Variants in KLF8 observed in about 807,000 individuals in gnomAD.
The protein encoded by KLF8 is Krueppel-like factor 8.
In KLF8, 10 loss-of-function variants were observed where a neutral mutation model predicts 18.2. The ratio of observed to expected loss-of-function variants is 0.55; its 90% CI spans 0.34 to 0.93. The LOEUF is 0.93. Ranked by LOEUF, KLF8 falls within the 40% of genes least tolerant of loss-of-function variation. The pLI is 0.02. For synonymous variants in KLF8, 109 were observed against 97.3 expected, an observed-to-expected ratio of 1.12 and a Z score of -0.71; for missense variants, 264 against 277.9, an observed-to-expected ratio of 0.95 and a Z score of 0.36.
the KLF8 span, among the ~76,000 whole-genome samples, chrX:55,984,324 A>G: frequency 4.2e-4 from 47 of 110,630 alleles, no homozygotes; most frequent in African/African-American, 1.5e-3. Context: ...TGTTCTCATC[A>G]TTCAGCTCCC....
At chrX:56,094,213 G>A in the KLF8 span, among the ~76,000 whole-genome samples, 1 of 110,067 alleles carries the variant, frequency 9.1e-6, no homozygotes, top group African/African-American at 3.3e-5. Context: ...TGCTATTTAC[G>A]AAAAACAGAC....
chrX:56,268,053 T>G (rs2066994153), intron 3 of KLF8: 1 of 111,273 alleles, frequency 9.0e-6, no homozygotes, highest in South Asian at 3.8e-4. Flanking sequence ...TCATGCACTA[T>G]TTGTCCTTCT....
At chrX:56,155,272 G>T in the KLF8 span, among the ~76,000 whole-genome samples, 1 of 111,641 alleles carries the variant, frequency 9.0e-6, no homozygotes, top group African/African-American at 3.3e-5. Flanking sequence ...ATACTATTCA[G>T]CCATAAAAAA....
At chrX:56,000,411 G>A in the KLF8 span, among the ~76,000 whole-genome samples, 5 of 93,229 alleles carry the variant, frequency 5.4e-5, no homozygotes, top group African/African-American at 2.0e-4. Flanking sequence ...AGTAGAATTG[G>A]CACCAGTTCT....
chrX:56,012,082 A>T, the KLF8 span, among the ~76,000 whole-genome samples: 1 of 111,863 alleles, frequency 8.9e-6, no homozygotes, highest in Non-Finnish European at 1.9e-5. Flanking sequence ...AAAAGGAGTG[A>T]CCCCTCCCTA....
chrX:56,265,547 G>C lies in KLF8; in HGVS notation c.449G>C (p.Ser150Thr), dbSNP rs755032067. 8.3e-7 allele frequency: 1 copy of C among 1,211,358 alleles called. No individual in the cohort carries two copies. Among genetic ancestry groups the C allele is most frequent in the Non-Finnish European group, 1.1e-6 (1 of 895,052 alleles). Residue 150 changes from serine to threonine, a missense_variant, in exon 3 of 6, where the codon AGC becomes ACC. By Grantham distance (58) the Ser-to-Thr change is moderately conservative (BLOSUM62 1). Transcript: ENST00000468660. Reference protein sequence around the residue: ...TPGSVLTSSQSTGSQQILHVI... With the variant: ...TPGSVLTSSQTTGSQQILHVI... ...GGCTCTGTCCTGACCTCCTCTCAGAGCACTGGTAGCCAGCAGATCTTACAT... is the reference window on the plus strand; with the variant it reads ...GGCTCTGTCCTGACCTCCTCTCAGACCACTGGTAGCCAGCAGATCTTACAT...
At chrX:56,171,505 T>C in the KLF8 span, among the ~76,000 whole-genome samples, 52 of 111,176 alleles carry the variant, frequency 4.7e-4, no homozygotes, top group Non-Finnish European at 8.7e-4. Flanking sequence ...GTATTTCTCC[T>C]AATGTTATCC....
the KLF8 span, among the ~76,000 whole-genome samples, chrX:55,999,152 G>C: frequency 3.7e-5 from 4 of 107,844 alleles, no homozygotes; most frequent in East Asian, 1.2e-3. Context: ...GTTATTTGTG[G>C]GTATTTTGCT....
the KLF8 span, among the ~76,000 whole-genome samples, chrX:55,955,643 C>T: frequency 1.8e-5 from 2 of 111,043 alleles, no homozygotes; most frequent in South Asian, 3.8e-4. Flanking sequence ...TAATTAAGCT[C>T]GAGTACTGAT....
At chrX:55,983,310 C>T in the KLF8 span, among the ~76,000 whole-genome samples, 30 of 111,062 alleles carry the variant, frequency 2.7e-4, no homozygotes, top group African/African-American at 9.8e-4. Flanking sequence ...GTTTTCTGTA[C>T]TGAATTATAC....
At chrX:55,976,105 G>A in the KLF8 span, among the ~76,000 whole-genome samples, 2 of 111,218 alleles carry the variant, frequency 1.8e-5, no homozygotes, top group East Asian at 2.8e-4. Flanking sequence ...GTGAAACTCC[G>A]ACTCAAAAAA....
rs191445324 is a variant in KLF8, at chrX:56,286,566, T to A, written c.*2072T>A. On this transcript the variant is annotated 3_prime_UTR_variant, in exon 6 of 6. Transcript: ENST00000468660. ...AACTCAAAAATCATTTACAGCTGATTAAATAGCAAGTAAAATGTACTTGTG... is the reference window on the plus strand; with the variant it reads ...AACTCAAAAATCATTTACAGCTGATAAAATAGCAAGTAAAATGTACTTGTG... 2.7e-5 allele frequency: 3 copies of A among 112,708 alleles called. No homozygotes were observed. Among genetic ancestry groups the A allele is most frequent in the Admixed American group, 9.4e-5 (1 of 10,668 alleles). 9.3% of individuals were successfully genotyped at this position (112,708 alleles called of 1,213,427 possible). A position where few individuals can be genotyped will look rare whatever the true frequency, so the allele number is the denominator to read the frequency against.
At chrX:55,924,849 C>CTTTTTTTTTTTTTTTTTTT in the KLF8 span, among the ~76,000 whole-genome samples, 2 of 42,937 alleles carry the variant, frequency 4.7e-5, no homozygotes, top group Admixed American at 4.1e-4. Context: ...TTGTTTTTTG[C>CTTTTTTTTTTTTTTTTTTT]TTTTTTTTTT....
chrX:55,969,244 A>G, the KLF8 span, among the ~76,000 whole-genome samples: 119 of 112,262 alleles, frequency 1.1e-3, no homozygotes, highest in Non-Finnish European at 2.1e-3. Context: ...TTGAGATAAT[A>G]TCAAGAATCT....
the KLF8 span, among the ~76,000 whole-genome samples, chrX:56,185,526 C>T: frequency 1.8e-5 from 2 of 111,081 alleles, no homozygotes; most frequent in Admixed American, 1.9e-4. Context: ...ACAGAGAACA[C>T]CACAAAGATA....
the KLF8 span, among the ~76,000 whole-genome samples, chrX:56,180,141 G>A: frequency 1.2e-4 from 13 of 111,253 alleles, no homozygotes; most frequent in Non-Finnish European, 5.7e-5. Context: ...TTGGTTGGTA[G>A]GCTATTAATT....
At chrX:56,138,665 C>T in the KLF8 span, among the ~76,000 whole-genome samples, 11 of 110,660 alleles carry the variant, frequency 9.9e-5, no homozygotes, top group African/African-American at 3.6e-4. Context: ...AGGAAGATAC[C>T]TCAAAAAAAT....
the KLF8 span, among the ~76,000 whole-genome samples, chrX:56,063,245 C>A: frequency 1.8e-5 from 2 of 109,753 alleles, no homozygotes; most frequent in African/African-American, 6.6e-5. Flanking sequence ...GAGAAGAGGC[C>A]TTTTGGTTTT....
the KLF8 span, among the ~76,000 whole-genome samples, chrX:56,103,872 T>C: frequency 9.0e-6 from 1 of 110,992 alleles, no homozygotes; most frequent in Non-Finnish European, 1.9e-5. Flanking sequence ...TCTTATTATT[T>C]TGAGATACGT....
Sources: allele counts gnomAD v4.1 joint callset (sites outside exome capture counted in the v4.1 genomes callset), GRCh38; gene constraint gnomAD v4.1.1; transcripts MANE v1.5; gene names NCBI Gene and HGNC (gene_info 2026-07-23, HGNC 2026-07-21).